PLEKHA5: variants seen among roughly 807,000 people sequenced by gnomAD.
PLEKHA5 encodes pleckstrin homology domain-containing family A member 5.
Under a neutral mutation model 181.9 loss-of-function variants are expected in PLEKHA5, and 55 were observed. The ratio of observed to expected loss-of-function variants is 0.30; its 90% confidence interval spans 0.24 to 0.38. The LOEUF is 0.38. Among genes scored for constraint, PLEKHA5 ranks in the 10% least tolerant of loss-of-function variants. PLEKHA5 has a pLI of 1.00. For missense variants in PLEKHA5, 1,432 were observed against 1,549.5 expected (o/e 0.92, Z 1.27); for synonymous variants, 535 against 529.4 (o/e 1.01, Z -0.15).
At chr12:19,328,868 A>G (rs1486978501) in intron 20 of PLEKHA5, among the ~76,000 whole-genome samples, 1 of 152,056 alleles carries the variant, frequency 6.6e-6, no homozygotes, top group Non-Finnish European at 1.5e-5. Context: ...TTCCAGTACT[A>G]TGTTGAATAG....
At chr12:19,277,381 A>G (rs964988794) in intron 11 of PLEKHA5, among the ~76,000 whole-genome samples, 5 of 152,204 alleles carry the variant, frequency 3.3e-5, no homozygotes, top group African/African-American at 9.6e-5. Context: ...ATTGTGAAGT[A>G]TAAATACTAG....
At chr12:19,219,480 G>A (rs1031840841) in intron 3 of PLEKHA5, among the ~76,000 whole-genome samples, 1 of 146,652 alleles carries the variant, frequency 6.8e-6, no homozygotes, top group African/African-American at 2.5e-5. Flanking sequence ...TGAATTATTT[G>A]GATGTATGCT....
intron 12 of PLEKHA5, among the ~76,000 whole-genome samples, chr12:19,284,376 C>T (rs912542585): frequency 6.6e-6 from 1 of 152,054 alleles, no homozygotes; most frequent in Non-Finnish European, 1.5e-5. Flanking sequence ...GCCTAGACCA[C>T]ATTCATTTTT....
chr12:19,204,216 A>G (rs1235226295), intron 3 of PLEKHA5, among the ~76,000 whole-genome samples: 2 of 152,140 alleles, frequency 1.3e-5, no homozygotes, highest in Non-Finnish European at 1.5e-5. Flanking sequence ...AGAGGTGACC[A>G]GGAAGGGTTG....
chr12:19,353,608 C>T (rs370401088), intron 25 of PLEKHA5, among the ~76,000 whole-genome samples: 217 of 152,170 alleles, frequency 1.4e-3, no homozygotes, highest in Middle Eastern at 3.4e-3. Flanking sequence ...TACAGGCATG[C>T]GCCACCACGC....
chr12:19,311,355 T>A (rs1219056806), intron 15 of PLEKHA5, among the ~76,000 whole-genome samples: 1 of 151,632 alleles, frequency 6.6e-6, no homozygotes, highest in East Asian at 1.9e-4. Context: ...GCAGGATCGC[T>A]TGAGCCCAGG....
At chr12:19,155,579 T>C (rs1243172264) in intron 3 of PLEKHA5, among the ~76,000 whole-genome samples, 1 of 152,232 alleles carries the variant, frequency 6.6e-6, no homozygotes, top group Non-Finnish European at 1.5e-5. Flanking sequence ...GGAATCTGTT[T>C]TCCTCTGCAA....
At chr12:19,151,748 TTAAG>T (rs1477916945) in intron 3 of PLEKHA5, 1 of 152,106 alleles carries the variant, frequency 6.6e-6, no homozygotes. Flanking sequence ...GTGATTTAAT[TTAAG>T]TAATACTGTT....
intron 3 of PLEKHA5, among the ~76,000 whole-genome samples, chr12:19,212,832 GTTGT>G (rs1221777243): frequency 0.018 from 1,478 of 83,164 alleles, 17 homozygotes; most frequent in African/African-American, 0.053. Context: ...GTTTTTTTTT[GTTGT>G]TTTTTTTTTT....
chr12:19,140,935 G>A (rs1032344377), intron 3 of PLEKHA5, among the ~76,000 whole-genome samples: 1 of 152,044 alleles, frequency 6.6e-6, no homozygotes, highest in African/African-American at 2.4e-5. Context: ...ATTACAGGTG[G>A]CCCGCCACTA....
At chr12:19,233,464 G>A (rs920059961) in intron 3 of PLEKHA5, among the ~76,000 whole-genome samples, 8 of 152,222 alleles carry the variant, frequency 5.3e-5, no homozygotes, top group East Asian at 1.9e-4. Context: ...TTTCTTAACC[G>A]TTAAAAGAAC....
chr12:19,173,245 G>A (rs1356304631), intron 3 of PLEKHA5, among the ~76,000 whole-genome samples: 68 of 149,482 alleles, frequency 4.5e-4, no homozygotes, highest in African/African-American at 1.5e-4. Flanking sequence ...GGATGGTCTC[G>A]ATCTCCTGAC....
At chr12:19,238,992 A>C (rs919222380) in intron 3 of PLEKHA5, among the ~76,000 whole-genome samples, 2 of 151,790 alleles carry the variant, frequency 1.3e-5, no homozygotes, top group African/African-American at 4.8e-5. Context: ...TAATTGTGCT[A>C]CTCTTCTTTG....
At chr12:19,213,765 A>G (rs1351566529) in intron 3 of PLEKHA5, among the ~76,000 whole-genome samples, 2 of 152,174 alleles carry the variant, frequency 1.3e-5, no homozygotes, top group Non-Finnish European at 2.9e-5. Context: ...GGTTTGATGA[A>G]CTGGGATGGC....
intron 21 of PLEKHA5, among the ~76,000 whole-genome samples, chr12:19,337,646 C>G (rs766633373): frequency 6.6e-6 from 1 of 151,428 alleles, no homozygotes; most frequent in Non-Finnish European, 1.5e-5. Flanking sequence ...ATAAAAGTTA[C>G]GTCACGCTTA....
chr12:19,338,214 G>A (rs2093606177), intron 21 of PLEKHA5, among the ~76,000 whole-genome samples: 1 of 152,044 alleles, frequency 6.6e-6, no homozygotes, highest in African/African-American at 2.4e-5. Flanking sequence ...GTATTTACTT[G>A]TTTATTGAAT....
At chr12:19,230,953 T>C (rs1306831385) in intron 3 of PLEKHA5, among the ~76,000 whole-genome samples, 1 of 152,236 alleles carries the variant, frequency 6.6e-6, no homozygotes, top group Non-Finnish European at 1.5e-5. Flanking sequence ...TCAGTTACTT[T>C]TTCAGGACCT....
intron 2 of PLEKHA5, among the ~76,000 whole-genome samples, chr12:19,131,437 C>G (rs1242002589): frequency 6.6e-6 from 1 of 152,228 alleles, no homozygotes; most frequent in African/African-American, 2.4e-5. Flanking sequence ...TTCCCCGGTG[C>G]AGGCTTTTGC....
chr12:19,189,756 G>T (rs2050676124), intron 3 of PLEKHA5, among the ~76,000 whole-genome samples: 1 of 152,144 alleles, frequency 6.6e-6, no homozygotes, highest in Admixed American at 6.5e-5. Context: ...GTCTTGTGTA[G>T]ACCAATGATA....
Sources: gnomAD v4.1 joint callset for allele counts (sites outside exome capture counted in the v4.1 genomes callset) on GRCh38, gnomAD v4.1.1 for gene constraint, MANE v1.5 for transcripts, NCBI Gene and HGNC (gene_info 2026-07-23, HGNC 2026-07-21) for gene names.